CSNK1D: variants seen among roughly 807,000 people sequenced by gnomAD.
CSNK1D encodes the protein casein kinase 1 delta, also known as casein kinase I isoform delta.
CSNK1D carries 16 observed loss-of-function variants against 46.6 expected under a neutral mutation model. The ratio of observed to expected loss-of-function variants is 0.34; its 90% CI spans 0.23 to 0.52. CSNK1D has a LOEUF of 0.52. Among genes scored for constraint, CSNK1D ranks in the 20% least tolerant of loss-of-function variants. The pLI, the probability that CSNK1D is intolerant of heterozygous loss-of-function variation, is 0.95. For synonymous variants in CSNK1D, 276 were observed against 228.2 expected, an observed-to-expected ratio of 1.21 and a Z score of -1.89; for missense variants, 398 against 578.4, an observed-to-expected ratio of 0.69 and a Z score of 3.20.
chr17:82,269,116 AAAAGC>A, intron 1 of CSNK1D, among the ~76,000 whole-genome samples: 1 of 151,482 alleles, frequency 6.6e-6, no homozygotes, highest in African/African-American at 2.4e-5. Context: ...AAAAAAAAAA[AAAAGC>A]AGATGGTGAG....
At chr17:82,262,363 A>G (rs775675301) in intron 2 of CSNK1D, among the ~76,000 whole-genome samples, 19 of 152,228 alleles carry the variant, frequency 1.2e-4, no homozygotes, top group Non-Finnish European at 1.9e-4. Context: ...CATTTGCAAC[A>G]TAAGGCTGAA....
Position 82,243,828 on chromosome 17 carries a change from A to G in CSNK1D, c.*953T>C. The stretch of plus-strand genomic sequence containing the variant: ...CAAGGCAACAAACACTACAGTAACC[A>G]CCTCTCGGTTCACAGTCCTCTCCCA... On this transcript the variant is annotated 3_prime_UTR_variant, in exon 9 of 9. Transcript: ENST00000314028. 1 of 985,368 alleles carries G rather than the reference A, an allele frequency of 1.0e-6. No homozygotes were observed. The highest frequency in any genetic ancestry group is 1.2e-6 in the Non-Finnish European group (1 of 829,946). 61.0% of individuals were successfully genotyped at this position (985,368 alleles called of 1,614,324 possible).
intron 1 of CSNK1D, among the ~76,000 whole-genome samples, chr17:82,272,575 A>G (rs1454143802): frequency 1.3e-5 from 2 of 152,122 alleles, no homozygotes; most frequent in African/African-American, 4.8e-5. Flanking sequence ...CTTTCTCTAC[A>G]TTCACCTAAA....
chr17:82,250,444 C>G lies in CSNK1D; in HGVS notation c.886-842G>C. On this transcript the variant is annotated intron_variant, in intron 6 of 8. Transcript: ENST00000314028. This position sits in a 1 kb window ranked among gnomAD's most constrained non-coding sequence, Gnocchi z 4.6. The stretch of plus-strand genomic sequence containing the variant: ...GGTGACTCTAATGCCGCAGGAGGGT[C>G]GCTCTGATTCCTCCCGAGGCAGCAC... 3.0e-6 allele frequency: 1 copy of G among 336,912 alleles called. No individual in the cohort carries two copies. Among genetic ancestry groups the G allele is most frequent in the Admixed American group, 3.9e-5 (1 of 25,340 alleles). The allele number at this position is 336,912 out of a possible 1,614,324, so 20.9% of individuals were successfully genotyped here.
In CSNK1D at chr17:82,248,322, G is replaced by A. The variant is rs2050903024; in HGVS notation, c.1197+553C>T. The A allele has an allele frequency of 2.0e-6, 2 of 989,228 alleles. No individual in the cohort carries two copies. Among genetic ancestry groups the A allele is most frequent in the Admixed American group, 5.9e-5 (1 of 16,938 alleles). The allele number at this position is 989,228 out of a possible 1,614,324, so 61.3% of individuals were successfully genotyped here. ...GCAGGATGCTGAAGAGGCGGTGGCC[G>A]TGGCTAGGCCTGGGCTGCGCAACAG... On this transcript the variant is annotated intron_variant, in intron 8 of 8. Coordinates refer to ENST00000314028, the MANE Select transcript of CSNK1D (RefSeq NM_001893.6). This position sits in a 1 kb window ranked among gnomAD's most constrained non-coding sequence, Gnocchi z 4.1.
chr17:82,246,097 T>C (rs1172805922), intron 8 of CSNK1D: 1 of 1,569,272 alleles, frequency 6.4e-7, no homozygotes, highest in African/African-American at 1.4e-5. Context: ...TGACTACCTG[T>C]GTCGGCTCCA....
intron 8 of CSNK1D, among the ~76,000 whole-genome samples, chr17:82,245,787 TCCC>T (rs1359137062): frequency 1.3e-5 from 2 of 151,528 alleles, no homozygotes; most frequent in South Asian, 2.1e-4. Context: ...GTGGACAGCC[TCCC>T]CCCAAGACTG....
chr17:82,259,013 A>G (rs2051257518), intron 2 of CSNK1D, among the ~76,000 whole-genome samples: 1 of 152,238 alleles, frequency 6.6e-6, no homozygotes, highest in African/African-American at 2.4e-5. Flanking sequence ...CTTGTCAGGA[A>G]AGAGAAGTGG....
At position 82,248,907 on chromosome 17, in the gene CSNK1D, G is replaced by A. The variant is rs1357799069; in HGVS notation, c.1165C>T (p.Arg389Ter). 6.2e-7 allele frequency: 1 copy of A among 1,609,820 alleles called. No homozygotes were observed. The highest frequency in any genetic ancestry group is 1.1e-5 in the South Asian group (1 of 90,192). Reference sequence around the variant, plus strand: ...GTGGACATGCGAGAGGTATCTTGTCGGCCTGTGAGGTCGGACGAGGAGATG... The same window carrying A: ...GTGGACATGCGAGAGGTATCTTGTCAGCCTGTGAGGTCGGACGAGGAGATG... Reference protein sequence around the residue: ...VNISSSDLTGRQDTSRMSTSQ... With the variant: ...VNISSSDLTG The change falls in exon 8 of 9, where the codon CGA becomes TGA. Residue 389 changes from arginine to a stop codon, truncating the protein, a stop_gained. Transcript: ENST00000314028. LOFTEE classifies it high-confidence loss of function. This position sits in a 1 kb window ranked among gnomAD's most constrained non-coding sequence, Gnocchi z 4.1.
In CSNK1D at chr17:82,252,643, C is replaced by T. The variant is rs181531816; in HGVS notation, c.566-39G>A. 763 of 1,598,838 alleles carry T rather than the reference C, an allele frequency of 4.8e-4. 14 individuals carry two copies. In the Admixed American group the frequency reaches 8.7e-3, roughly 18 times the overall value. On this transcript the variant is annotated intron_variant, in intron 4 of 8. Transcript: ENST00000314028. This position sits in a 1 kb window ranked among gnomAD's most constrained non-coding sequence, Gnocchi z 4.6. ...GGAAAGGCGTGAAGAACGGCACTTG[C>T]GTGCTCACGTCAAAGCAAAAGACCC... is the stretch of plus-strand genomic sequence containing the variant.
intron 2 of CSNK1D, among the ~76,000 whole-genome samples, chr17:82,259,969 CTGACTGATG>C (rs1265269038): frequency 6.7e-6 from 1 of 149,856 alleles, no homozygotes; most frequent in Non-Finnish European, 1.5e-5. Context: ...TGATGGTGTA[CTGACTGATG>C]TGACTGATGG....
rs932037532 is a variant in CSNK1D, at chr17:82,244,567, C to T, written c.*214G>A. ...CCCAGCCCCGTTACAACCGAGTTCACGTGGGGGGCCGCAGTGCAGCCCCAG... is the reference window on the plus strand; with the variant it reads ...CCCAGCCCCGTTACAACCGAGTTCATGTGGGGGGCCGCAGTGCAGCCCCAG... On this transcript the variant is annotated 3_prime_UTR_variant, in exon 9 of 9. Coordinates refer to ENST00000314028, the MANE Select transcript of CSNK1D (RefSeq NM_001893.6). 12 of 1,487,224 alleles carry T rather than the reference C, an allele frequency of 8.1e-6. No individual in the cohort carries two copies. Among genetic ancestry groups the T allele is most frequent in the East Asian group, 2.5e-5 (1 of 40,084 alleles). The allele number at this position is 1,487,224 out of a possible 1,614,324, so 92.1% of individuals were successfully genotyped here.
intron 3 of CSNK1D, chr17:82,253,683 C>A (rs2051073497): frequency 5.7e-6 from 2 of 348,258 alleles, no homozygotes. Flanking sequence ...GGCCTCCAAG[C>A]CAGTGAGCTG....
chr17:82,269,041 G>A (rs2051549610), intron 1 of CSNK1D, among the ~76,000 whole-genome samples: 1 of 149,566 alleles, frequency 6.7e-6, no homozygotes, highest in South Asian at 2.1e-4. Context: ...GGGTTGCAGT[G>A]AGCTGAGATC....
At chr17:82,269,995 G>A (rs1189720697) in intron 1 of CSNK1D, among the ~76,000 whole-genome samples, 2 of 152,262 alleles carry the variant, frequency 1.3e-5, no homozygotes, top group Non-Finnish European at 2.9e-5. Context: ...TGCGGAGGGC[G>A]GCACAGGGCC....
intron 1 of CSNK1D, among the ~76,000 whole-genome samples, chr17:82,267,269 T>C (rs1568584860): frequency 6.6e-6 from 1 of 152,174 alleles, no homozygotes; most frequent in Non-Finnish European, 1.5e-5. Context: ...CTGACGTCTG[T>C]TTCATGAGAG....
At chr17:82,259,179 C>G (rs909597752) in intron 2 of CSNK1D, among the ~76,000 whole-genome samples, 2 of 152,234 alleles carry the variant, frequency 1.3e-5, no homozygotes, top group Non-Finnish European at 2.9e-5. Flanking sequence ...CAGATCTTAT[C>G]TGTCTTAAAA....
At position 82,249,788 on chromosome 17, in the gene CSNK1D, C is replaced by A. The variant is rs1599583171; in HGVS notation, c.886-186G>T. On this transcript the variant is annotated intron_variant, in intron 6 of 8. Coordinates refer to ENST00000314028, the MANE Select transcript of CSNK1D (RefSeq NM_001893.6). The surrounding 1 kb of genome is among the most constrained non-coding windows in gnomAD (Gnocchi z 6.7). ...TGACAGCATCATCCCCACAAGGGGT[C>A]AGAGCCAGGCCTCTCAGCTCCCCCA... The A allele has an allele frequency of 2.8e-6, 4 of 1,450,764 alleles. No individual in the cohort carries two copies. In the East Asian group the frequency reaches 1.0e-4, roughly 36 times the overall value. The allele number at this position is 1,450,764 out of a possible 1,614,324, so 89.9% of individuals were successfully genotyped here. A position where few individuals can be genotyped will look rare whatever the true frequency, so the allele number is the denominator to read the frequency against.
chr17:82,240,375 G>C (rs1024187669), downstream of CSNK1D, among the ~76,000 whole-genome samples: 1 of 152,324 alleles, frequency 6.6e-6, no homozygotes, highest in South Asian at 2.1e-4. Flanking sequence ...GGCCTCAGAG[G>C]ACACATGGCC....
Sources: allele counts gnomAD v4.1 joint callset (sites outside exome capture counted in the v4.1 genomes callset), GRCh38; gene constraint gnomAD v4.1.1; non-coding constraint Gnocchi (gnomAD v3.1); transcripts MANE v1.5; gene names NCBI Gene and HGNC (gene_info 2026-07-23, HGNC 2026-07-21).